Variants in LGSN observed in about 807,000 individuals in gnomAD.
LGSN encodes lengsin, lens protein with glutamine synthetase domain.
Under a neutral mutation model 19.5 loss-of-function variants are expected in LGSN, and 21 were observed. The ratio of observed to expected loss-of-function variants is 1.07; its 90% CI spans 0.76 to 1.55. The LOEUF (loss-of-function observed/expected upper bound fraction) is 1.55. LGSN is among the 40% of genes most tolerant of loss of function. The probability of loss-of-function intolerance (pLI) is 0.00; values close to 1 mark genes in which losing one functional copy is unlikely to be tolerated. For missense variants in LGSN, 673 were observed against 608.5 expected, an observed-to-expected ratio of 1.11 and a Z score of -1.12; for synonymous variants, 257 against 215.6, an observed-to-expected ratio of 1.19 and a Z score of -1.68.
chr6:63,433,234 A>T, the LGSN span, among the ~76,000 whole-genome samples: 1 of 152,238 alleles, frequency 6.6e-6, no homozygotes. Flanking sequence ...TGTCCCAGAA[A>T]CTTCCTGTCT....
chr6:63,356,896 A>G, the LGSN span, among the ~76,000 whole-genome samples: 1 of 152,086 alleles, frequency 6.6e-6, no homozygotes, highest in South Asian at 2.1e-4. Flanking sequence ...TTTGTTACAT[A>G]TATATACATG....
the LGSN span, among the ~76,000 whole-genome samples, chr6:63,518,951 G>A: frequency 1.3e-5 from 2 of 152,112 alleles, no homozygotes; most frequent in Admixed American, 1.3e-4. Context: ...GCAGGATCTG[G>A]GTAGCACCCT....
At chr6:63,430,279 A>G in the LGSN span, among the ~76,000 whole-genome samples, 1 of 152,024 alleles carries the variant, frequency 6.6e-6, no homozygotes. Flanking sequence ...GTAACATTCC[A>G]TCTCTTGCTT....
chr6:63,414,626 TAA>T, the LGSN span, among the ~76,000 whole-genome samples: 1 of 152,340 alleles, frequency 6.6e-6, no homozygotes, highest in Admixed American at 6.5e-5. Context: ...AATAAAGCTT[TAA>T]AAAAATAGAA....
At chr6:63,402,532 C>T in the LGSN span, among the ~76,000 whole-genome samples, 1 of 152,068 alleles carries the variant, frequency 6.6e-6, no homozygotes, top group Non-Finnish European at 1.5e-5. Flanking sequence ...TAATAAGGGA[C>T]TTTGGTCAGG....
chr6:63,399,960 C>T, the LGSN span, among the ~76,000 whole-genome samples: 1 of 152,134 alleles, frequency 6.6e-6, no homozygotes, highest in Non-Finnish European at 1.5e-5. Context: ...CCACTTCAGC[C>T]TCCCAATATA....
At chr6:63,465,028 A>G in the LGSN span, among the ~76,000 whole-genome samples, 2 of 128,750 alleles carry the variant, frequency 1.6e-5, no homozygotes, top group Non-Finnish European at 3.0e-5. Flanking sequence ...TTCTGTCTCA[A>G]AAAAAAAAAA....
the LGSN span, among the ~76,000 whole-genome samples, chr6:63,536,236 A>T: frequency 4.6e-5 from 7 of 152,288 alleles, 1 homozygote; most frequent in African/African-American, 1.7e-4. Context: ...AGGCTGAGGC[A>T]GGAGAATCGC....
chr6:63,541,930 A>T, the LGSN span, among the ~76,000 whole-genome samples: 21 of 151,996 alleles, frequency 1.4e-4, no homozygotes, highest in African/African-American at 4.8e-4. Flanking sequence ...TTTTTCTGCC[A>T]TTTTAAAATA....
At chr6:63,524,998 G>A in the LGSN span, among the ~76,000 whole-genome samples, 2 of 152,182 alleles carry the variant, frequency 1.3e-5, no homozygotes, top group East Asian at 3.8e-4. Flanking sequence ...TAGTGGAGTT[G>A]AGCATGTCAC....
chr6:63,568,586 G>T, the LGSN span, among the ~76,000 whole-genome samples: 1 of 151,728 alleles, frequency 6.6e-6, no homozygotes, highest in Non-Finnish European at 1.5e-5. Context: ...GACATGAAAT[G>T]AGCACATGCT....
the LGSN span, among the ~76,000 whole-genome samples, chr6:63,467,369 C>T: frequency 2.0e-5 from 3 of 150,802 alleles, no homozygotes; most frequent in African/African-American, 7.4e-5. Flanking sequence ...CTCTGAGTTT[C>T]CTAGAACTCA....
At chr6:63,360,107 A>G in the LGSN span, among the ~76,000 whole-genome samples, 2 of 151,966 alleles carry the variant, frequency 1.3e-5, no homozygotes, top group Non-Finnish European at 2.9e-5. Context: ...TTTTTCCTTC[A>G]TTTCAACTTT....
the LGSN span, among the ~76,000 whole-genome samples, chr6:63,538,647 TTTC>T: frequency 6.6e-6 from 1 of 152,052 alleles, no homozygotes; most frequent in Non-Finnish European, 1.5e-5. Context: ...CAAAAGAGAT[TTTC>T]TTATTTTTTA....
the LGSN span, among the ~76,000 whole-genome samples, chr6:63,514,546 A>G: frequency 2.6e-5 from 4 of 152,106 alleles, no homozygotes; most frequent in Admixed American, 2.0e-4. Context: ...GTTTTATCAT[A>G]TATTTTTTCA....
chr6:63,438,596 A>G, the LGSN span, among the ~76,000 whole-genome samples: 1 of 152,018 alleles, frequency 6.6e-6, no homozygotes, highest in Non-Finnish European at 1.5e-5. Context: ...CAAAAAACAC[A>G]TGAAAAAATG....
chr6:63,514,020 T>G, the LGSN span, among the ~76,000 whole-genome samples: 1 of 151,584 alleles, frequency 6.6e-6, no homozygotes, highest in African/African-American at 2.4e-5. Context: ...ATTACTTATA[T>G]AAATACAAAT....
chr6:63,405,476 T>C, the LGSN span, among the ~76,000 whole-genome samples: 3 of 152,218 alleles, frequency 2.0e-5, no homozygotes, highest in Non-Finnish European at 2.9e-5. Flanking sequence ...TGATGTTTCC[T>C]GACATTTTAA....
At chr6:63,502,974 AT>A in the LGSN span, among the ~76,000 whole-genome samples, 23 of 152,290 alleles carry the variant, frequency 1.5e-4, 2 homozygotes, top group East Asian at 3.9e-3. Context: ...GATGTCAGAT[AT>A]TTTTTTAAAT....
Sources: allele counts gnomAD v4.1 joint callset (sites outside exome capture counted in the v4.1 genomes callset), GRCh38; gene constraint gnomAD v4.1.1; transcripts MANE v1.5; gene names NCBI Gene and HGNC (gene_info 2026-07-23, HGNC 2026-07-21).